The following IGLL5 variants were observed in gnomAD, a reference collection of about 807,000 sequenced individuals.
IGLL5 encodes immunoglobulin lambda-like polypeptide 5.
A neutral mutation model predicts 20.9 loss-of-function variants in IGLL5; 30 were observed. The ratio of observed to expected loss-of-function variants is 1.44; its 90% CI spans 1.07 to 1.95. The LOEUF is 1.95. Ranked by LOEUF, IGLL5 falls within the 30% of genes most tolerant of loss-of-function variation. IGLL5 has a pLI of 0.00. For synonymous variants in IGLL5, 203 were observed against 117.3 expected (o/e 1.73, Z -4.72); for missense variants, 475 against 270.7 (o/e 1.75, Z -5.30).
intron 1 of IGLL5, among the ~76,000 whole-genome samples, chr22:22,889,284 A>G (rs2067703927): frequency 1.3e-5 from 2 of 151,120 alleles, no homozygotes; most frequent in African/African-American, 2.4e-5. Flanking sequence ...AAATGGGAGC[A>G]TGAAGTTGAA....
intron 1 of IGLL5, among the ~76,000 whole-genome samples, chr22:22,889,536 A>C (rs561360826): frequency 6.6e-6 from 1 of 151,200 alleles, no homozygotes; most frequent in Admixed American, 6.6e-5. Context: ...AACTGGAAAA[A>C]ATCCAAATAT....
chr22:22,888,235 C>T lies in IGLL5; in HGVS notation c.182C>T (p.Ser61Phe), dbSNP rs180844836. The T allele has an allele frequency of 5.8e-6, 9 of 1,547,948 alleles. No individual in the cohort carries two copies. The highest frequency in any genetic ancestry group is 4.9e-5 in the East Asian group (2 of 40,578). Residue 61 changes from serine to phenylalanine, a missense_variant, in exon 1 of 3, where the codon TCC becomes TTC. Transcript: ENST00000526893. ...DPGASVGSSR[S>F]SLRSLWGRLL... ...GGAGCCTCAGTTGGAAGCAGCCGAT[C>T]CAGCCTGCGGAGCCTGTGGGGCAGG...
intron 1 of IGLL5, among the ~76,000 whole-genome samples, chr22:22,888,939 A>G (rs576896221): frequency 2.6e-5 from 4 of 151,256 alleles, no homozygotes; most frequent in Admixed American, 6.6e-5. Flanking sequence ...GTGCCCCCAA[A>G]AGACAGAGCA....
At chr22:22,894,131 G>C (rs781014393) in intron 2 of IGLL5, among the ~76,000 whole-genome samples, 2 of 151,506 alleles carry the variant, frequency 1.3e-5, no homozygotes, top group East Asian at 2.0e-4. Context: ...GGGCCCTGCA[G>C]TGTCCTTAGG....
chr22:22,889,660 T>A, intron 1 of IGLL5, among the ~76,000 whole-genome samples: 1 of 151,384 alleles, frequency 6.6e-6, no homozygotes, highest in African/African-American at 2.4e-5. Context: ...TGGCCACAGC[T>A]CACTGCAGCC....
At chr22:22,892,407 G>T (rs5996414) in intron 1 of IGLL5, among the ~76,000 whole-genome samples, 3,427 of 151,096 alleles carry the variant, frequency 0.023, 141 homozygotes, top group African/African-American at 0.074. Flanking sequence ...ACCTGAGGAT[G>T]GTTGCCATCA....
At chr22:22,894,305 C>T (rs1012442947) in intron 2 of IGLL5, among the ~76,000 whole-genome samples, 3 of 151,370 alleles carry the variant, frequency 2.0e-5, no homozygotes, top group African/African-American at 7.3e-5. Context: ...CCTGGTGACA[C>T]AGAGGTCACC....
At chr22:22,890,672 A>G (rs2146009870) in intron 1 of IGLL5, among the ~76,000 whole-genome samples, 1 of 149,506 alleles carries the variant, frequency 6.7e-6, no homozygotes, top group African/African-American at 2.5e-5. Context: ...ATCAGAGAGA[A>G]TGTACTTTTG....
rs56055217 is a variant in IGLL5 at position 22,888,134 on chromosome 22, G to A, written c.81G>A (p.Leu27=). Residue 27 remains leucine, a synonymous_variant, in exon 1 of 3, where the codon CTG becomes CTA. Transcript: ENST00000526893. The stretch of plus-strand genomic sequence containing the variant: ...GTCCCAGGCAGCGCTGGCCCCTGCT[G>A]CTGCTGGGTCTGGCCATGGTCGCCC... ...GPGPRQRWPL[L]LLGLAMVAHG... is the part of the protein sequence containing the mutation. 2.6e-5 allele frequency: 41 copies of A among 1,549,590 alleles called. No homozygotes were observed. Among genetic ancestry groups the A allele is most frequent in the East Asian group, 9.8e-5 (4 of 40,676 alleles).
intron 1 of IGLL5, among the ~76,000 whole-genome samples, chr22:22,888,666 G>C (rs770026416): frequency 4.0e-5 from 6 of 151,240 alleles, no homozygotes; most frequent in Admixed American, 1.3e-4. Context: ...CTCCTGCCCA[G>C]TGAGGGCAGG....
chr22:22,893,985 C>T (rs1228168386), intron 2 of IGLL5, among the ~76,000 whole-genome samples, 167 bp downstream of exon 2: 1 of 151,082 alleles, frequency 6.6e-6, no homozygotes, highest in Non-Finnish European at 1.5e-5. Flanking sequence ...GGGTAACCGG[C>T]AGGAAGGGCC....
At chr22:22,893,984 G>T (rs189096074) in intron 2 of IGLL5, among the ~76,000 whole-genome samples, 166 bp downstream of exon 2, 3 of 151,414 alleles carry the variant, frequency 2.0e-5, no homozygotes, top group Admixed American at 1.3e-4. Flanking sequence ...CGGGTAACCG[G>T]CAGGAAGGGC....
In IGLL5 at chr22:22,893,827, C is replaced by T. The variant is rs374069385; in HGVS notation, c.325+9C>T. On this transcript the variant is annotated intron_variant, in intron 2 of 2. Coordinates refer to ENST00000526893, the MANE Select transcript of IGLL5 (RefSeq NM_001178126.2). ...CAAGGTCACCGTCCTAGGTAAGTGG[C>T]TCTCAACCTTTCCCAGCCTGTCTCA... 2.6e-5 allele frequency: 41 copies of T among 1,560,698 alleles called. No homozygotes were observed. Among genetic ancestry groups the T allele is most frequent in the South Asian group, 2.4e-4 (22 of 89,980 alleles).
At chr22:22,894,661 A>C in intron 2 of IGLL5, among the ~76,000 whole-genome samples, 2 of 151,058 alleles carry the variant, frequency 1.3e-5, no homozygotes, top group African/African-American at 2.4e-5. Flanking sequence ...TGGGGTCATC[A>C]CAGGCTGCTG....
intron 2 of IGLL5, among the ~76,000 whole-genome samples, chr22:22,895,119 A>G (rs2066724903): frequency 6.6e-6 from 1 of 151,292 alleles, no homozygotes; most frequent in South Asian, 2.1e-4. Flanking sequence ...GTATATGGAG[A>G]AATTGAGGCT....
At chr22:22,890,179 A>C in intron 1 of IGLL5, among the ~76,000 whole-genome samples, 1 of 147,672 alleles carries the variant, frequency 6.8e-6, no homozygotes, top group Non-Finnish European at 1.5e-5. Context: ...AAAAAAAAAG[A>C]TTAAGCAGAG....
chr22:22,894,362 C>A (rs566913348), intron 2 of IGLL5, among the ~76,000 whole-genome samples: 1 of 151,474 alleles, frequency 6.6e-6, no homozygotes, highest in Admixed American at 6.6e-5. Flanking sequence ...TGGGTCTAGG[C>A]TGCAGCTCTG....
chr22:22,895,555 A>G lies in IGLL5; in HGVS notation c.506A>G (p.Gln169Arg). 1 of 1,613,090 alleles carries G rather than the reference A, an allele frequency of 6.2e-7. No homozygotes were observed. The highest frequency in any genetic ancestry group is 8.5e-7 in the Non-Finnish European group (1 of 1,179,732). The change falls in exon 3 of 3, where the codon CAG becomes CGG. Residue 169 changes from glutamine to arginine, a missense_variant. Transcript: ENST00000526893. ...GTGGAGACCACCAAACCCTCCAAAC[A>G]GAGCAACAACAAGTACGCGGCCAGC... The part of the protein sequence containing the change: ...AGVETTKPSK[Q>R]SNNKYAASSY...
At chr22:22,888,967 AGC>A (rs2067670923) in intron 1 of IGLL5, among the ~76,000 whole-genome samples, 1 of 151,354 alleles carries the variant, frequency 6.6e-6, no homozygotes, top group African/African-American at 2.4e-5. Flanking sequence ...AGGAGAGGAG[AGC>A]ACAGGATGAG....
Sources: gnomAD v4.1 joint callset for allele counts (sites outside exome capture counted in the v4.1 genomes callset) on GRCh38, gnomAD v4.1.1 for gene constraint, MANE v1.5 for transcripts, NCBI Gene and HGNC (gene_info 2026-07-23, HGNC 2026-07-21) for gene names.